Variants in NLGN4Y observed in about 807,000 individuals in gnomAD.
NLGN4Y encodes neuroligin 4 Y-linked.
Under a neutral mutation model 8.4 loss-of-function variants are expected in NLGN4Y, and 4 were observed. That is an observed-to-expected ratio of 0.48 (90% CI 0.23 to 1.09). NLGN4Y has a LOEUF of 1.09. NLGN4Y is among the 50% of genes least tolerant of loss of function. NLGN4Y has a pLI of 0.19. For synonymous variants in NLGN4Y, 35 were observed against 75.6 expected, an observed-to-expected ratio of 0.46 and a Z score of 2.78; for missense variants, 90 against 192.3, an observed-to-expected ratio of 0.47 and a Z score of 3.15.
chrY:14,653,694 C>T, intron 2 of NLGN4Y, among the ~76,000 whole-genome samples: 1 of 33,317 alleles, frequency 3.0e-5, no homozygotes, highest in South Asian at 6.7e-4. Context: ...GGACAACAGG[C>T]GCCCGCCACC....
At chrY:14,729,367 T>G (rs761745554) in intron 4 of NLGN4Y, among the ~76,000 whole-genome samples, 20 of 33,505 alleles carry the variant, frequency 6.0e-4, no homozygotes, top group Non-Finnish European at 1.3e-3. Flanking sequence ...CCATAGGGAA[T>G]TAGCATGTCA....
chrY:14,711,733 T>A, intron 2 of NLGN4Y, among the ~76,000 whole-genome samples: 1 of 31,896 alleles, frequency 3.1e-5, no homozygotes, highest in Non-Finnish European at 7.6e-5. Flanking sequence ...GAAGTAACCA[T>A]CTGAATGCTG....
At chrY:14,726,368 CA>C (rs2080955503) in intron 4 of NLGN4Y, among the ~76,000 whole-genome samples, 2 of 33,537 alleles carry the variant, frequency 6.0e-5, no homozygotes, top group African/African-American at 1.2e-4. Context: ...ACAGGTTGGC[CA>C]GCTTAAGTAT....
chrY:14,832,118 G>A, intron 6 of NLGN4Y, among the ~76,000 whole-genome samples: 2 of 34,552 alleles, frequency 5.8e-5, no homozygotes, highest in Non-Finnish European at 1.4e-4. Flanking sequence ...TGTCACCCAG[G>A]GAGGGTCAAT....
intron 1 of NLGN4Y, among the ~76,000 whole-genome samples, chrY:14,528,214 C>T (rs1169358619): frequency 3.2e-5 from 1 of 31,447 alleles, no homozygotes. Context: ...AAGGCATGCT[C>T]ATCTTCCCAG....
At chrY:14,673,631 G>A in intron 2 of NLGN4Y, among the ~76,000 whole-genome samples, 1 of 33,501 alleles carries the variant, frequency 3.0e-5, no homozygotes, top group Non-Finnish European at 7.4e-5. Flanking sequence ...CTATTCCTCA[G>A]GGATCTAGAA....
chrY:14,824,215 C>A lies in NLGN4Y; in HGVS notation c.713C>A (p.Ala238Glu). The change falls in exon 5 of 7, where the codon GCA becomes GAA. Residue 238 changes from alanine (A) to glutamate (E), a missense_variant. By Grantham distance (107) the Ala-to-Glu change is moderately radical. This residue lies in a region of NLGN4Y where 16 missense variants were observed against 37.6 expected (regional missense o/e 0.43). Coordinates refer to ENST00000684976, the MANE Select transcript of NLGN4Y (RefSeq NM_001365588.1). Reference sequence around the variant, plus strand: ...TTTTTAAGTACCGGTGACCAGGCAGCAAAAGGCAACTATGGGCTCCTGGAT... The same window carrying A: ...TTTTTAAGTACCGGTGACCAGGCAGAAAAAGGCAACTATGGGCTCCTGGAT... Reference protein sequence around the residue: ...LGFLSTGDQAAKGNYGLLDQI... With the variant: ...LGFLSTGDQAEKGNYGLLDQI... The A allele has an allele frequency of 2.5e-6, 1 of 398,551 alleles. No homozygotes were observed. Among genetic ancestry groups the A allele is most frequent in the Non-Finnish European group, 3.5e-6 (1 of 283,507 alleles).
chrY:14,560,214 T>G, intron 1 of NLGN4Y, among the ~76,000 whole-genome samples: 3 of 33,234 alleles, frequency 9.0e-5, no homozygotes, highest in African/African-American at 3.5e-4. Flanking sequence ...CATTGTGGAG[T>G]AATTTAGAAA....
intron 4 of NLGN4Y, among the ~76,000 whole-genome samples, chrY:14,747,503 C>A (rs2081027566): frequency 3.0e-5 from 1 of 33,102 alleles, no homozygotes; most frequent in Non-Finnish European, 7.4e-5. Flanking sequence ...GCCAAATAAA[C>A]TTCTTTTCTT....
intron 1 of NLGN4Y, among the ~76,000 whole-genome samples, chrY:14,578,126 A>G: frequency 3.1e-5 from 1 of 31,800 alleles, no homozygotes; most frequent in Non-Finnish European, 7.6e-5. Flanking sequence ...CCTAGTGTTG[A>G]TGACGCGTTG....
At chrY:14,828,309 GTA>G (rs2043156888) in intron 5 of NLGN4Y, among the ~76,000 whole-genome samples, 12 of 30,414 alleles carry the variant, frequency 3.9e-4, no homozygotes, top group Non-Finnish European at 8.6e-4. Flanking sequence ...ATGTGTGTGT[GTA>G]TATATATGTG....
At chrY:14,563,343 T>A (rs2080241332) in intron 1 of NLGN4Y, among the ~76,000 whole-genome samples, 1 of 33,769 alleles carries the variant, frequency 3.0e-5, no homozygotes, top group East Asian at 7.7e-4. Flanking sequence ...ATGGATTATG[T>A]TATTGATTTC....
At chrY:14,576,029 G>A (rs1002821306) in intron 1 of NLGN4Y, among the ~76,000 whole-genome samples, 2 of 33,504 alleles carry the variant, frequency 6.0e-5, no homozygotes, top group Non-Finnish European at 1.5e-4. Context: ...TAGGCTACTC[G>A]GGGGTCAGGG....
chrY:14,720,746 C>T, intron 3 of NLGN4Y, among the ~76,000 whole-genome samples: 1 of 32,996 alleles, frequency 3.0e-5, no homozygotes, highest in Non-Finnish European at 7.5e-5. Context: ...CTTGCCAACA[C>T]TCTTTTCATG....
At chrY:14,530,732 G>T (rs899011469) in intron 1 of NLGN4Y, among the ~76,000 whole-genome samples, 1 of 30,953 alleles carries the variant, frequency 3.2e-5, no homozygotes, top group Non-Finnish European at 7.8e-5. Flanking sequence ...TTCTCTCGGT[G>T]CCCAAAGGCT....
intron 1 of NLGN4Y, among the ~76,000 whole-genome samples, chrY:14,526,077 A>T (rs763990834): frequency 3.0e-5 from 1 of 33,714 alleles, no homozygotes; most frequent in East Asian, 7.8e-4. Flanking sequence ...CAGAAACTAC[A>T]AGAGACCTGA....
chrY:14,611,903 C>A, intron 1 of NLGN4Y, among the ~76,000 whole-genome samples: 1 of 32,942 alleles, frequency 3.0e-5, no homozygotes, highest in Non-Finnish European at 7.4e-5. Flanking sequence ...TTCCATTCTC[C>A]TACTCACTTT....
At chrY:14,588,025 T>A (rs2080347162) in intron 1 of NLGN4Y, among the ~76,000 whole-genome samples, 1 of 33,653 alleles carries the variant, frequency 3.0e-5, no homozygotes, top group African/African-American at 1.2e-4. Flanking sequence ...CTGCAGTGTT[T>A]ACTACTTGAG....
intron 2 of NLGN4Y, among the ~76,000 whole-genome samples, chrY:14,688,549 A>C: frequency 3.0e-5 from 1 of 33,068 alleles, no homozygotes. Context: ...TAAGATTTCC[A>C]CTACAGAGGC....
Sources: allele counts gnomAD v4.1 joint callset (sites outside exome capture counted in the v4.1 genomes callset), GRCh38; gene constraint gnomAD v4.1.1; regional missense constraint gnomAD v4.1.1; transcripts MANE v1.5; gene names NCBI Gene and HGNC (gene_info 2026-07-23, HGNC 2026-07-21).